Variants in FBXL13 observed in about 807,000 individuals in gnomAD.
FBXL13 encodes the protein F-box and leucine rich repeat protein 13.
Under a neutral mutation model 83.6 loss-of-function variants are expected in FBXL13, and 67 were observed. That is an observed-to-expected ratio of 0.80 (90% confidence interval 0.66 to 0.98). The LOEUF is 0.98. Ranked by LOEUF, FBXL13 falls within the 50% of genes least tolerant of loss-of-function variation. The pLI is 0.00. For missense variants in FBXL13, 822 were observed against 866.5 expected, an observed-to-expected ratio of 0.95 and a Z score of 0.64; for synonymous variants, 272 against 299.5, an observed-to-expected ratio of 0.91 and a Z score of 0.95.
intron 6 of FBXL13, among the ~76,000 whole-genome samples, chr7:103,010,440 C>A (rs562423254): frequency 6.6e-6 from 1 of 152,058 alleles, no homozygotes; most frequent in East Asian, 2.0e-4. Flanking sequence ...CTCCTATTGC[C>A]CTGGAAACAC....
At chr7:102,892,002 G>C (rs1033290068) in intron 11 of FBXL13, among the ~76,000 whole-genome samples, 6 of 152,222 alleles carry the variant, frequency 3.9e-5, no homozygotes, top group Admixed American at 1.3e-4. Context: ...TGGCTTTACA[G>C]CTACAGTTCT....
At chr7:102,953,841 G>A (rs1428549477) in intron 8 of FBXL13, among the ~76,000 whole-genome samples, 1 of 152,010 alleles carries the variant, frequency 6.6e-6, no homozygotes, top group Non-Finnish European at 1.5e-5. Context: ...CCTTCCTTCA[G>A]AAAATGCAGA....
chr7:103,025,983 A>G (rs192890794), intron 5 of FBXL13, among the ~76,000 whole-genome samples: 467 of 150,652 alleles, frequency 3.1e-3, no homozygotes, highest in Non-Finnish European at 4.4e-3. Flanking sequence ...ACAATTAACT[A>G]TATAATATAT....
At chr7:102,816,553 GA>G (rs2129444897) in intron 19 of FBXL13, among the ~76,000 whole-genome samples, 1 of 152,298 alleles carries the variant, frequency 6.6e-6, no homozygotes, top group African/African-American at 2.4e-5. Context: ...GTGGCTGCCA[GA>G]AGGTTTTTCT....
At chr7:102,857,535 TC>T (rs1806207061) in intron 16 of FBXL13, 1 of 153,906 alleles carries the variant, frequency 6.5e-6, no homozygotes, top group Admixed American at 6.6e-5. Context: ...TAGGCAGGTG[TC>T]CCCTTCTTCC....
At chr7:102,835,611 T>TG (rs1367605856) in intron 17 of FBXL13, among the ~76,000 whole-genome samples, 5 of 91,142 alleles carry the variant, frequency 5.5e-5, no homozygotes, top group Non-Finnish European at 9.8e-5. Context: ...TTGTTTTTTT[T>TG]TTTTTTTTTT....
At chr7:102,964,299 A>G (rs1448881695) in intron 7 of FBXL13, among the ~76,000 whole-genome samples, 1 of 129,176 alleles carries the variant, frequency 7.7e-6, no homozygotes, top group East Asian at 2.1e-4. Context: ...TGACAGAGCA[A>G]AACTCCAACT....
Position 102,880,277 on chromosome 7 carries a change from C to T in FBXL13, c.1389-1827G>A, listed in dbSNP as rs184795775. ...ACCCAACTTACTATTTTAGGTTTAA[C>T]TCTTATATGTACATATTAAAATCTT... On this transcript the variant is annotated intron_variant, in intron 14 of 19. Transcript: ENST00000313221. Among the ~76,000 whole-genome samples the T allele has an allele frequency of 6.7e-4, 102 of 152,258 alleles. 4 individuals carry two copies. The East Asian group carries it at 0.012, about 18-fold the overall frequency.
At chr7:103,024,568 A>C (rs1281870899) in intron 6 of FBXL13, among the ~76,000 whole-genome samples, 1 of 148,970 alleles carries the variant, frequency 6.7e-6, no homozygotes, top group African/African-American at 2.5e-5. Flanking sequence ...TCACCAGAAG[A>C]CTCCACAAGC....
intron 6 of FBXL13, 135 bp downstream of exon 7, chr7:103,024,928 T>C (rs1793728605): frequency 3.3e-6 from 1 of 305,768 alleles, no homozygotes; most frequent in African/African-American, 2.5e-5. Context: ...TGGTGTGATC[T>C]CGGCTCACTG....
At position 102,868,853 on chromosome 7, in the gene FBXL13, A is replaced by G. The variant is rs1808123911; in HGVS notation, c.1635+8614T>C. On this transcript the variant is annotated intron_variant, in intron 16 of 19. Transcript: ENST00000313221. Reference sequence around the variant, plus strand: ...CAGCTAATTTTTGTATTTTTAGTAGAGACGAGGTTTCGCCATGTTGGCCAG... The same window carrying G: ...CAGCTAATTTTTGTATTTTTAGTAGGGACGAGGTTTCGCCATGTTGGCCAG... Among the ~76,000 whole-genome samples the G allele has an allele frequency of 2.0e-5, 3 of 152,184 alleles. No homozygotes were observed. The South Asian group carries it at 6.2e-4, about 32-fold the overall frequency.
chr7:102,977,693 C>G (rs901957417), intron 6 of FBXL13, among the ~76,000 whole-genome samples: 21 of 152,140 alleles, frequency 1.4e-4, no homozygotes, highest in Admixed American at 1.3e-3. Context: ...GACTTGGAAC[C>G]AACCCAAATG....
intron 2 of FBXL13, among the ~76,000 whole-genome samples, chr7:103,043,680 T>C (rs1795985185): frequency 6.6e-6 from 1 of 152,000 alleles, no homozygotes; most frequent in African/African-American, 2.4e-5. Flanking sequence ...CCCAACTAAT[T>C]TTTTTGCATT....
In FBXL13 at chr7:102,834,071, AG is replaced by A. The variant is rs1801249071; in HGVS notation, c.1720-1098del. 1.3e-4 allele frequency among the ~76,000 whole-genome samples: 16 copies of A among 119,506 alleles called. No individual in the cohort carries two copies. In the East Asian group the frequency reaches 1.4e-3, roughly 10 times the overall value. 78.4% of individuals were successfully genotyped at this position (119,506 alleles called of 152,430 possible). Reference sequence around the variant, plus strand: ...AAGGAAGGAAGGAAGGAAGGAAGGAAGGAAGGAAGGAAAGAAAAGAAAGAAA... The same window carrying A: ...AAGGAAGGAAGGAAGGAAGGAAGGAAGAAGGAAGGAAAGAAAAGAAAGAAA... On this transcript the variant is annotated intron_variant, in intron 17 of 19. Transcript: ENST00000313221.
chr7:103,015,204 G>A (rs927118942), intron 6 of FBXL13, among the ~76,000 whole-genome samples: 2 of 152,016 alleles, frequency 1.3e-5, no homozygotes, highest in African/African-American at 4.8e-5. Flanking sequence ...CAAATAATAA[G>A]AGCCATTTAT....
At chr7:103,004,334 T>C (rs1276703300) in intron 6 of FBXL13, among the ~76,000 whole-genome samples, 2 of 152,180 alleles carry the variant, frequency 1.3e-5, no homozygotes, top group Admixed American at 1.3e-4. Flanking sequence ...TTGCCCATCA[T>C]AGGCTGGCGG....
intron 8 of FBXL13, among the ~76,000 whole-genome samples, chr7:102,941,840 A>C (rs896353739): frequency 8.5e-5 from 13 of 152,244 alleles, no homozygotes; most frequent in Non-Finnish European, 1.8e-4. Context: ...TAGTTACAAC[A>C]AAACTAGTAT....
chr7:103,039,099 A>G (rs1173790921), intron 2 of FBXL13, among the ~76,000 whole-genome samples: 2 of 152,262 alleles, frequency 1.3e-5, no homozygotes, highest in Non-Finnish European at 2.9e-5. Context: ...ATGGCTAACT[A>G]GAATGAATAG....
chr7:103,055,063 C>T (rs1041807986), intron 2 of FBXL13, 25 bp downstream of exon 3: 19 of 1,180,210 alleles, frequency 1.6e-5, no homozygotes, highest in Admixed American at 1.5e-4. Flanking sequence ...TATATATTTG[C>T]GTATTCTTGA....
Sources: allele counts gnomAD v4.1 joint callset (sites outside exome capture counted in the v4.1 genomes callset), GRCh38; gene constraint gnomAD v4.1.1; transcripts MANE v1.5; gene names NCBI Gene and HGNC (gene_info 2026-07-23, HGNC 2026-07-21).